The following GAP43 variants were observed in gnomAD, a reference collection of about 807,000 sequenced individuals.
The protein encoded by GAP43 is neuromodulin.
In GAP43, 6 loss-of-function variants were observed where a neutral mutation model predicts 18.6. The observed-to-expected ratio is 0.32, with a 90% CI of 0.18 to 0.64. The LOEUF (loss-of-function observed/expected upper bound fraction) is 0.64. GAP43 is among the 30% of genes least tolerant of loss of function. The pLI, the probability that GAP43 is intolerant of heterozygous loss-of-function variation, is 0.78. For missense variants in GAP43, 292 were observed against 295.5 expected, an observed-to-expected ratio of 0.99 and a Z score of 0.09; for synonymous variants, 115 against 111.4, an observed-to-expected ratio of 1.03 and a Z score of -0.20.
intron 1 of GAP43, among the ~76,000 whole-genome samples, chr3:115,669,997 A>ATTT (rs200282076): frequency 1.3e-4 from 16 of 123,490 alleles, no homozygotes; most frequent in East Asian, 2.4e-4. Flanking sequence ...TTTTTTTTTA[A>ATTT]TTTTTTTTTT....
intron 1 of GAP43, among the ~76,000 whole-genome samples, chr3:115,655,996 T>A (rs1708576452): frequency 6.6e-6 from 1 of 152,216 alleles, no homozygotes; most frequent in Admixed American, 6.5e-5. Context: ...ACTAATGATC[T>A]AATTCAGTTA....
chr3:115,679,615 T>G (rs1232758999), intron 2 of GAP43, among the ~76,000 whole-genome samples: 1 of 152,184 alleles, frequency 6.6e-6, no homozygotes, highest in Non-Finnish European at 1.5e-5. Context: ...CTTTAGTGAT[T>G]ATATCCTTGG....
intron 2 of GAP43, among the ~76,000 whole-genome samples, chr3:115,714,038 C>T (rs1709471780): frequency 6.6e-6 from 1 of 152,144 alleles, no homozygotes; most frequent in Non-Finnish European, 1.5e-5. Context: ...CACATTATTA[C>T]AGTAATTTGC....
intron 1 of GAP43, among the ~76,000 whole-genome samples, chr3:115,640,534 G>T (rs74740198): frequency 0.019 from 2,862 of 152,186 alleles, 90 homozygotes; most frequent in African/African-American, 0.064. Flanking sequence ...ATAGTTGACA[G>T]AGTGGAAAAC....
chr3:115,630,064 C>T (rs1708243275), intron 1 of GAP43, among the ~76,000 whole-genome samples: 1 of 152,118 alleles, frequency 6.6e-6, no homozygotes, highest in Non-Finnish European at 1.5e-5. Flanking sequence ...CATTACAGCC[C>T]CACCCTCTCT....
chr3:115,676,707 GT>G, intron 2 of GAP43, 97 bp downstream of exon 2: 1 of 1,248,854 alleles, frequency 8.0e-7, no homozygotes, highest in Non-Finnish European at 1.1e-6. Context: ...AGAGGAAAAA[GT>G]CTAGAAGATG....
At chr3:115,636,751 C>G (rs1708335181) in intron 1 of GAP43, among the ~76,000 whole-genome samples, 1 of 152,044 alleles carries the variant, frequency 6.6e-6, no homozygotes, top group Admixed American at 6.6e-5. Flanking sequence ...TCCTTAGGAT[C>G]TATTACCAAT....
chr3:115,706,350 C>T (rs1184058403), intron 2 of GAP43, among the ~76,000 whole-genome samples: 2 of 151,968 alleles, frequency 1.3e-5, no homozygotes, highest in Non-Finnish European at 2.9e-5. Context: ...GGAGAATTGC[C>T]ATCCTCTCTG....
intron 1 of GAP43, among the ~76,000 whole-genome samples, chr3:115,668,550 A>G (rs1576988431): frequency 6.6e-6 from 1 of 152,014 alleles, no homozygotes; most frequent in Non-Finnish European, 1.5e-5. Context: ...TCAGCCTCCC[A>G]AGTAGCTGGG....
At chr3:115,698,698 A>G (rs745597151) in intron 2 of GAP43, among the ~76,000 whole-genome samples, 51 of 152,206 alleles carry the variant, frequency 3.4e-4, no homozygotes, top group Non-Finnish European at 5.7e-4. Flanking sequence ...AAAAATCCCA[A>G]TCCCAAAGGA....
intron 2 of GAP43, among the ~76,000 whole-genome samples, chr3:115,708,798 C>T (rs1709397225): frequency 6.6e-6 from 1 of 151,934 alleles, no homozygotes; most frequent in Non-Finnish European, 1.5e-5. Context: ...GGAGCATGGA[C>T]CTGGTAAAGA....
intron 1 of GAP43, among the ~76,000 whole-genome samples, chr3:115,669,268 T>C (rs1708779114): frequency 1.3e-5 from 2 of 152,240 alleles, no homozygotes; most frequent in African/African-American, 4.8e-5. Flanking sequence ...TTTCTATAAT[T>C]GGGGAATCAT....
intron 2 of GAP43, among the ~76,000 whole-genome samples, chr3:115,678,514 A>G (rs1249538124): frequency 6.6e-6 from 1 of 152,232 alleles, no homozygotes; most frequent in African/African-American, 2.4e-5. Flanking sequence ...GAAATATTTT[A>G]TGTAGTAAGT....
At chr3:115,714,969 C>A (rs1405695455) in intron 2 of GAP43, among the ~76,000 whole-genome samples, 3 of 151,988 alleles carry the variant, frequency 2.0e-5, no homozygotes, top group African/African-American at 7.3e-5. Flanking sequence ...ACAGACAAAT[C>A]CTGGTAAGGG....
chr3:115,703,514 G>T (rs1709323214), intron 2 of GAP43, among the ~76,000 whole-genome samples: 1 of 152,054 alleles, frequency 6.6e-6, no homozygotes, highest in Non-Finnish European at 1.5e-5. Context: ...GGTATCATAG[G>T]GGATTCCTGC....
At chr3:115,646,248 C>A (rs1345446659) in intron 1 of GAP43, among the ~76,000 whole-genome samples, 1 of 151,990 alleles carries the variant, frequency 6.6e-6, no homozygotes, top group Non-Finnish European at 1.5e-5. Flanking sequence ...TTTTTTCCTG[C>A]AAGCAACTCT....
chr3:115,666,944 A>T (rs539704983), intron 1 of GAP43, among the ~76,000 whole-genome samples: 1 of 152,152 alleles, frequency 6.6e-6, no homozygotes, highest in Non-Finnish European at 1.5e-5. Flanking sequence ...TATACTGTGC[A>T]CTTATAAATG....
At chr3:115,669,852 G>T (rs1708789572) in intron 1 of GAP43, among the ~76,000 whole-genome samples, 1 of 151,774 alleles carries the variant, frequency 6.6e-6, no homozygotes. Context: ...CAGTTTCATT[G>T]CTTCTCTGCG....
intron 2 of GAP43, among the ~76,000 whole-genome samples, chr3:115,678,383 A>G (rs1198934995): frequency 6.6e-6 from 1 of 152,196 alleles, no homozygotes; most frequent in African/African-American, 2.4e-5. Context: ...GTATATGCTT[A>G]TGATTTGGGT....
Sources: allele counts gnomAD v4.1 joint callset (sites outside exome capture counted in the v4.1 genomes callset), GRCh38; gene constraint gnomAD v4.1.1; transcripts MANE v1.5; gene names NCBI Gene and HGNC (gene_info 2026-07-23, HGNC 2026-07-21).